The following GRIA2 variants were observed in gnomAD, a reference collection of about 807,000 sequenced individuals.
GRIA2 encodes the protein glutamate receptor 2.
GRIA2 carries 14 observed loss-of-function variants against 97.3 expected under a neutral mutation model. The ratio of observed to expected loss-of-function variants is 0.14; its 90% CI spans 0.10 to 0.23. The LOEUF (loss-of-function observed/expected upper bound fraction) is 0.23. Ranked by LOEUF, GRIA2 falls within the 10% of genes least tolerant of loss-of-function variation. The pLI is 1.00. For synonymous variants in GRIA2, 412 were observed against 387.8 expected (o/e 1.06, Z -0.73); for missense variants, 558 against 1,069.8 (o/e 0.52, Z 6.67).
At chr4:157,240,289 A>G (rs1730446091) in intron 2 of GRIA2, among the ~76,000 whole-genome samples, 1 of 152,058 alleles carries the variant, frequency 6.6e-6, no homozygotes, top group Admixed American at 6.6e-5. Flanking sequence ...TTTTCATCTT[A>G]CTGAGTATTT....
At chr4:157,362,156 T>G (rs1375654189) in intron 14 of GRIA2, among the ~76,000 whole-genome samples, 1 of 152,022 alleles carries the variant, frequency 6.6e-6, no homozygotes, top group Non-Finnish European at 1.5e-5. Context: ...AGGGGATGAA[T>G]TTTGGAGACC....
At chr4:157,257,254 C>G (rs1731320370) in intron 2 of GRIA2, among the ~76,000 whole-genome samples, 1 of 152,030 alleles carries the variant, frequency 6.6e-6, no homozygotes, top group Non-Finnish European at 1.5e-5. Flanking sequence ...TTTTACTGTG[C>G]TGTGCCACTT....
chr4:157,263,400 A>G (rs1470959761), intron 2 of GRIA2, among the ~76,000 whole-genome samples: 1 of 151,474 alleles, frequency 6.6e-6, no homozygotes. Context: ...TTTTTTCTGT[A>G]GTGGCTCAGG....
intron 3 of GRIA2, among the ~76,000 whole-genome samples, chr4:157,304,528 G>A (rs6536231): frequency 0.36 from 54,085 of 151,666 alleles, 10,117 homozygotes; most frequent in African/African-American, 0.48. Flanking sequence ...TCCCAGGTCC[G>A]TAATTGGGTG....
intron 2 of GRIA2, among the ~76,000 whole-genome samples, chr4:157,263,735 G>A (rs1731648725): frequency 6.6e-6 from 1 of 152,044 alleles, no homozygotes; most frequent in Non-Finnish European, 1.5e-5. Context: ...ACAGTATATA[G>A]TCAATGAGAA....
In GRIA2 at chr4:157,332,745, A is replaced by C. The variant is rs2126931855; in HGVS notation, c.883-74A>C. 4 of 1,025,914 alleles carry C rather than the reference A, an allele frequency of 3.9e-6. No individual in the cohort carries two copies. The South Asian group carries it at 5.8e-5, about 15-fold the overall frequency. 63.6% of individuals were successfully genotyped at this position (1,025,914 alleles called of 1,614,324 possible). A position where few individuals can be genotyped will look rare whatever the true frequency, so the allele number is the denominator to read the frequency against. On this transcript the variant is annotated intron_variant, in intron 6 of 15. Coordinates refer to ENST00000264426, the MANE Select transcript of GRIA2 (RefSeq NM_001083619.3). ...ATGGTATTGTGTGCTGAGCAACTGC[A>C]GTCTTGATTGCTGGGGTGCAGTGAG...
At chr4:157,326,176 C>T (rs1422899405) in intron 6 of GRIA2, among the ~76,000 whole-genome samples, 1 of 152,078 alleles carries the variant, frequency 6.6e-6, no homozygotes, top group Non-Finnish European at 1.5e-5. Flanking sequence ...CTGTTGTCCC[C>T]TTAAATATTT....
chr4:157,341,231 C>T (rs1195679128), intron 11 of GRIA2, 33 bp from the exon 12 acceptor site: 1 of 1,433,122 alleles, frequency 7.0e-7, no homozygotes, highest in Non-Finnish European at 9.8e-7. Context: ...TCATTCATTT[C>T]ACTTTACAAA....
chr4:157,365,290 CCTCAT>C lies in GRIA2; in HGVS notation c.*1861_*1865del, dbSNP rs1736835823. The stretch of plus-strand genomic sequence containing the variant: ...TATAATATAATTTTAGTGCATTTCT[CCTCAT>C]CAGGAATGCTGGAGGTGCATTTTAA... On this transcript the variant is annotated 3_prime_UTR_variant, in exon 16 of 16. Coordinates refer to ENST00000264426, the MANE Select transcript of GRIA2 (RefSeq NM_001083619.3). 6.6e-6 allele frequency: 1 copy of C among 151,956 alleles called. No individual in the cohort carries two copies. The highest frequency in any genetic ancestry group is 2.4e-5 in the African/African-American group (1 of 41,382). The allele number at this position is 151,956 out of a possible 1,614,324, so 9.4% of individuals were successfully genotyped here. A position where few individuals can be genotyped will look rare whatever the true frequency, so the allele number is the denominator to read the frequency against.
intron 1 of GRIA2, 179 bp downstream of exon 1, chr4:157,221,309 C>T (rs1479570150): frequency 6.9e-6 from 4 of 583,274 alleles, no homozygotes; most frequent in Non-Finnish European, 1.2e-5. Context: ...AAAGACTATG[C>T]CTTTGATACA....
intron 12 of GRIA2, among the ~76,000 whole-genome samples, chr4:157,346,245 C>T (rs999588216): frequency 6.6e-6 from 1 of 151,932 alleles, no homozygotes; most frequent in African/African-American, 2.4e-5. Flanking sequence ...ATTATGACAC[C>T]TCTTCTATGG....
Position 157,226,583 on chromosome 4 carries a change from T to C in GRIA2, c.229+4776T>C, listed in dbSNP as rs769006223. The stretch of plus-strand genomic sequence containing the variant: ...TTATTAAATTTTAGTCACAAATTAC[T>C]GAGATTTTTGTATCTGTGTTCATAA... On this transcript the variant is annotated intron_variant, in intron 2 of 15. Transcript: ENST00000264426. Among the ~76,000 whole-genome samples the C allele has an allele frequency of 3.3e-5, 5 of 152,134 alleles. No individual in the cohort carries two copies. The South Asian group carries it at 1.0e-3, about 32-fold the overall frequency.
At chr4:157,303,447 G>A (rs1733702314) in intron 2 of GRIA2, 105 bp from the exon 3 acceptor site, 7 of 872,568 alleles carry the variant, frequency 8.0e-6, no homozygotes, top group Non-Finnish European at 1.3e-5. Flanking sequence ...CTTTCAATAT[G>A]TTAATTTTGT....
rs17035944 is a variant in GRIA2, at chr4:157,292,262, C to T, written c.230-11290C>T. The stretch of plus-strand genomic sequence containing the variant: ...AAATAGGCATAGGGACATATAGCAA[C>T]GTAGCATAAGATAAATGTGACATTT... On this transcript the variant is annotated intron_variant, in intron 2 of 15. Coordinates refer to ENST00000264426, the MANE Select transcript of GRIA2 (RefSeq NM_001083619.3). Among the ~76,000 whole-genome samples the T allele has an allele frequency of 2.0e-3, 307 of 151,924 alleles. 6 individuals are homozygous for T. In the East Asian group the frequency reaches 0.046, roughly 23 times the overall value.
chr4:157,275,102 ATTT>A (rs1732228623), intron 2 of GRIA2, among the ~76,000 whole-genome samples: 2 of 151,950 alleles, frequency 1.3e-5, no homozygotes, highest in Non-Finnish European at 2.9e-5. Flanking sequence ...TTTGATTTGC[ATTT>A]CTCTGATGGC....
chr4:157,304,574 C>T (rs1240968550), intron 3 of GRIA2, among the ~76,000 whole-genome samples: 1 of 152,098 alleles, frequency 6.6e-6, no homozygotes, highest in Non-Finnish European at 1.5e-5. Context: ...TTGTATGAAA[C>T]ATCTTGTGTG....
chr4:157,343,834 TTTC>T (rs1735654158), intron 12 of GRIA2, among the ~76,000 whole-genome samples: 1 of 152,138 alleles, frequency 6.6e-6, no homozygotes. Context: ...AAAAGTTTTG[TTTC>T]TTCAAGTTGA....
At chr4:157,307,086 G>A (rs1206451723) in intron 3 of GRIA2, among the ~76,000 whole-genome samples, 4 of 152,024 alleles carry the variant, frequency 2.6e-5, no homozygotes, top group African/African-American at 9.7e-5. Context: ...AGAGAGTCTA[G>A]GTCAGGAATA....
At chr4:157,283,147 A>C (rs948456562) in intron 2 of GRIA2, among the ~76,000 whole-genome samples, 1 of 152,050 alleles carries the variant, frequency 6.6e-6, no homozygotes, top group Non-Finnish European at 1.5e-5. Context: ...TCCATATATA[A>C]AAGCTTTCCA....
Sources: gnomAD v4.1 joint callset for allele counts (sites outside exome capture counted in the v4.1 genomes callset) on GRCh38, gnomAD v4.1.1 for gene constraint, MANE v1.5 for transcripts, NCBI Gene and HGNC (gene_info 2026-07-23, HGNC 2026-07-21) for gene names.